GANC: variants seen among roughly 807,000 people sequenced by gnomAD.
GANC encodes the protein glucosidase alpha, neutral C.
A neutral mutation model predicts 124.2 loss-of-function variants in GANC; 117 were observed. The ratio of observed to expected loss-of-function variants is 0.94; its 90% CI spans 0.81 to 1.10. GANC has a LOEUF of 1.10. Among genes scored for constraint, GANC ranks in the 50% least tolerant of loss-of-function variants. The pLI, the probability that GANC is intolerant of heterozygous loss-of-function variation, is 0.00. For missense variants in GANC, 1,140 were observed against 1,095.0 expected, an observed-to-expected ratio of 1.04 and a Z score of -0.58; for synonymous variants, 377 against 376.8, an observed-to-expected ratio of 1.00 and a Z score of -0.01.
At position 42,273,954 on chromosome 15, in the gene GANC, G is replaced by A. The variant is rs2051621191; in HGVS notation, c.-528G>A. On this transcript the variant is annotated 5_prime_UTR_variant, in exon 1 of 24. Transcript: ENST00000318010. Reference sequence around the variant, plus strand: ...GGCCCCTTCTAGCCCTGAAGAGTACGATGCTGCAGTACAATCTGGCTGGAG... The same window carrying A: ...GGCCCCTTCTAGCCCTGAAGAGTACAATGCTGCAGTACAATCTGGCTGGAG... 4.9e-6 allele frequency: 1 copy of A among 205,378 alleles called. No individual in the cohort carries two copies. The highest frequency in any genetic ancestry group is 9.9e-6 in the Non-Finnish European group (1 of 100,808). 12.7% of individuals were successfully genotyped at this position (205,378 alleles called of 1,614,324 possible).
At position 42,303,608 on chromosome 15, in the gene GANC, C is replaced by A. The variant is rs187422400; in HGVS notation, c.559-2938C>A. Among the ~76,000 whole-genome samples, 497 of 148,416 alleles carry A rather than the reference C, an allele frequency of 3.3e-3. 2 individuals are homozygous for A. The highest frequency in any genetic ancestry group is 5.6e-3 in the Admixed American group (83 of 14,742). On this transcript the variant is annotated intron_variant, in intron 6 of 23. Transcript: ENST00000318010. ...CCACCAGTGTGCTGTGTTCAGGAGA[C>A]CCATCTCACGTGCAGAGACACCCAT...
intron 2 of GANC, among the ~76,000 whole-genome samples, chr15:42,277,360 G>A (rs865837093): frequency 6.6e-6 from 1 of 151,874 alleles, no homozygotes; most frequent in Non-Finnish European, 1.5e-5. Context: ...CAGAAACCCC[G>A]TCTCTACTAA....
intron 15 of GANC, among the ~76,000 whole-genome samples, chr15:42,338,068 A>C (rs2052297032): frequency 1.3e-5 from 2 of 150,452 alleles, no homozygotes; most frequent in Non-Finnish European, 3.0e-5. Context: ...CATCTAAAAA[A>C]AAAACAAACC....
intron 1 of GANC, among the ~76,000 whole-genome samples, chr15:42,275,812 A>G (rs1417537614): frequency 2.6e-5 from 4 of 152,160 alleles, no homozygotes; most frequent in Admixed American, 2.0e-4. Flanking sequence ...TTGCACCTCT[A>G]TTAAAGCATT....
chr15:42,316,297 C>A (rs2052100824), intron 10 of GANC, among the ~76,000 whole-genome samples: 1 of 152,026 alleles, frequency 6.6e-6, no homozygotes, highest in East Asian at 1.9e-4. Context: ...AACAGCTGGG[C>A]CCAGGGGACC....
At chr15:42,304,308 T>G (rs1364483350) in intron 6 of GANC, among the ~76,000 whole-genome samples, 1 of 152,058 alleles carries the variant, frequency 6.6e-6, no homozygotes, top group African/African-American at 2.4e-5. Flanking sequence ...TTGAAACCAA[T>G]GAGAACAAAA....
chr15:42,347,130 C>T (rs1279672907), intron 20 of GANC, among the ~76,000 whole-genome samples: 1 of 151,302 alleles, frequency 6.6e-6, no homozygotes, highest in Non-Finnish European at 1.5e-5. Context: ...GGCTGGACTC[C>T]CATTCTGGAA....
In GANC at chr15:42,310,599, G is replaced by A. The variant is rs544055650; in HGVS notation, c.904-94G>A. On this transcript the variant is annotated intron_variant, in intron 9 of 23. Coordinates refer to ENST00000318010, the MANE Select transcript of GANC (RefSeq NM_198141.3). ...ACAGTGTAATCAGTGAATATCAGTA[G>A]TATCTACTAAAGGATCAGACTGTTA... 7.1e-5 allele frequency: 106 copies of A among 1,502,038 alleles called. No homozygotes were observed. In the Admixed American group the frequency reaches 7.6e-4, roughly 11 times the overall value. 93.0% of individuals were successfully genotyped at this position (1,502,038 alleles called of 1,614,324 possible).
chr15:42,334,365 T>G (rs2052268384), intron 15 of GANC, among the ~76,000 whole-genome samples: 1 of 152,148 alleles, frequency 6.6e-6, no homozygotes, highest in South Asian at 2.1e-4. Flanking sequence ...TTTCACCATG[T>G]TGGGCAGTCC....
At position 42,291,998 on chromosome 15, in the gene GANC, C is replaced by T. The variant is rs192035363; in HGVS notation, c.330-737C>T. Among the ~76,000 whole-genome samples, 5 of 152,238 alleles carry T rather than the reference C, an allele frequency of 3.3e-5. No homozygotes were observed. The East Asian group carries it at 9.7e-4, about 29-fold the overall frequency. Reference sequence around the variant, plus strand: ...AAGAACATAAACTGTCTCTTTTTACCTTCCTGAAAGAGTCCTGTGAACATT... The same window carrying T: ...AAGAACATAAACTGTCTCTTTTTACTTTCCTGAAAGAGTCCTGTGAACATT... On this transcript the variant is annotated intron_variant, in intron 4 of 23. Coordinates refer to ENST00000318010, the MANE Select transcript of GANC (RefSeq NM_198141.3).
At chr15:42,284,447 TAATAAGGGAGA>T (rs981603734) in intron 3 of GANC, 1 of 158,932 alleles carries the variant, frequency 6.3e-6, no homozygotes, top group African/African-American at 2.4e-5. Flanking sequence ...TGTTTTTATT[TAATAAGGGAGA>T]AATAAGATAG....
chr15:42,329,581 G>A, intron 14 of GANC, 132 bp downstream of exon 14: 1 of 885,856 alleles, frequency 1.1e-6, no homozygotes. Context: ...CAACTGCAAT[G>A]AGTCTTAGGT....
In GANC at chr15:42,310,464, G is replaced by T; in HGVS notation, c.903+1G>T. 6.3e-7 allele frequency: 1 copy of T among 1,592,266 alleles called. No homozygotes were observed. The highest frequency in any genetic ancestry group is 8.6e-7 in the Non-Finnish European group (1 of 1,167,288). Reference sequence around the variant, plus strand: ...GATCAATACAGAGCCTGCAGTAGAGGTGAGCTATTTATCATGGCTACATGT... The same window carrying T: ...GATCAATACAGAGCCTGCAGTAGAGTTGAGCTATTTATCATGGCTACATGT... On this transcript the variant is annotated splice_donor_variant, in intron 9 of 23. Coordinates refer to ENST00000318010, the MANE Select transcript of GANC (RefSeq NM_198141.3). LOFTEE classifies it high-confidence loss of function.
Position 42,273,504 on chromosome 15 carries a change from G to T in GANC, c.-978G>T. ...GCGGGATTATCCGGGTCCTGGAAAC[G>T]TCGCGGAGCTTGTTTGCTGTGCGGC... On this transcript the variant is annotated 5_prime_UTR_variant, in exon 1 of 24. Coordinates refer to ENST00000318010, the MANE Select transcript of GANC (RefSeq NM_198141.3). The T allele has an allele frequency of 6.5e-7, 1 of 1,526,718 alleles. No individual in the cohort carries two copies. Among genetic ancestry groups the T allele is most frequent in the South Asian group, 1.2e-5 (1 of 81,230 alleles). The allele number at this position is 1,526,718 out of a possible 1,614,324, so 94.6% of individuals were successfully genotyped here.
At chr15:42,335,761 C>G (rs1479215423) in intron 15 of GANC, among the ~76,000 whole-genome samples, 6 of 152,190 alleles carry the variant, frequency 3.9e-5, no homozygotes, top group Admixed American at 3.9e-4. Flanking sequence ...TAAACAACTT[C>G]AGCAAAGTCT....
Position 42,353,299 on chromosome 15 carries a change from C to G in GANC, c.*1160C>G. 2.0e-6 allele frequency: 2 copies of G among 986,248 alleles called. No homozygotes were observed. Among genetic ancestry groups the G allele is most frequent in the Non-Finnish European group, 2.4e-6 (2 of 830,180 alleles). 61.1% of individuals were successfully genotyped at this position (986,248 alleles called of 1,614,324 possible). On this transcript the variant is annotated 3_prime_UTR_variant, in exon 24 of 24. Transcript: ENST00000318010. The stretch of plus-strand genomic sequence containing the variant: ...CTTAGCAACTTGCTAACGGCCACCT[C>G]TGTGCCTTCTGATCCCTGGGCGCCA...
At position 42,327,477 on chromosome 15, in the gene GANC, C is replaced by G. The variant is rs1256167052; in HGVS notation, c.1500+35C>G. On this transcript the variant is annotated intron_variant, in intron 13 of 23. Coordinates refer to ENST00000318010, the MANE Select transcript of GANC (RefSeq NM_198141.3). Reference sequence around the variant, plus strand: ...TATTCCTTTGTTCTTTTCTAGTTACCTGAAAGAGTGAAAGAAGTGGAAAAA... The same window carrying G: ...TATTCCTTTGTTCTTTTCTAGTTACGTGAAAGAGTGAAAGAAGTGGAAAAA... The G allele has an allele frequency of 2.1e-6, 3 of 1,453,506 alleles. No homozygotes were observed. The African/African-American group carries it at 4.2e-5, about 20-fold the overall frequency. The allele number at this position is 1,453,506 out of a possible 1,614,324, so 90.0% of individuals were successfully genotyped here. A position where few individuals can be genotyped will look rare whatever the true frequency, so the allele number is the denominator to read the frequency against.
intron 10 of GANC, chr15:42,314,169 A>G (rs1054631518): frequency 4.7e-5 from 36 of 761,838 alleles, no homozygotes; most frequent in Non-Finnish European, 8.7e-5. Flanking sequence ...CAGATTGGAT[A>G]TGGGATTGGA....
At chr15:42,303,833 A>G (rs1039083557) in intron 6 of GANC, among the ~76,000 whole-genome samples, 2 of 152,210 alleles carry the variant, frequency 1.3e-5, no homozygotes, top group Non-Finnish European at 2.9e-5. Context: ...CACCCAATAC[A>G]GGAGCACCCA....
Sources: gnomAD v4.1 joint callset for allele counts (sites outside exome capture counted in the v4.1 genomes callset) on GRCh38, gnomAD v4.1.1 for gene constraint, MANE v1.5 for transcripts, NCBI Gene and HGNC (gene_info 2026-07-23, HGNC 2026-07-21) for gene names.